The following DCP2 variants were observed in gnomAD, a reference collection of about 807,000 sequenced individuals.
DCP2 encodes the protein m7GpppN-mRNA hydrolase.
Under a neutral mutation model 56.1 loss-of-function variants are expected in DCP2, and 30 were observed. The ratio of observed to expected loss-of-function variants is 0.53; its 90% confidence interval spans 0.40 to 0.73. The LOEUF (loss-of-function observed/expected upper bound fraction) is 0.73, where lower values mean the gene tolerates loss of function less well. Among genes scored for constraint, DCP2 ranks in the 30% least tolerant of loss-of-function variants. The pLI is 0.00. For missense variants in DCP2, 533 were observed against 502.7 expected (o/e 1.06, Z -0.58); for synonymous variants, 197 against 163.3 (o/e 1.21, Z -1.57).
At chr5:112,978,696 A>G (rs1747847414) in intron 1 of DCP2, among the ~76,000 whole-genome samples, 1 of 151,520 alleles carries the variant, frequency 6.6e-6, no homozygotes, top group African/African-American at 2.4e-5. Context: ...AAAAAAAAAA[A>G]GGAAAAAGAA....
chr5:112,985,741 C>G, intron 1 of DCP2, 94 bp from the exon 2 acceptor site: 3 of 1,413,280 alleles, frequency 2.1e-6, no homozygotes, highest in Non-Finnish European at 1.9e-6. Context: ...TCCCTTTTCT[C>G]AGTTGGTGGG....
At chr5:112,979,284 C>G (rs1166105468) in intron 1 of DCP2, among the ~76,000 whole-genome samples, 1 of 152,032 alleles carries the variant, frequency 6.6e-6, no homozygotes, top group Non-Finnish European at 1.5e-5. Context: ...AAACATTTCT[C>G]AAAACTTCAG....
rs1473967227 is a variant in DCP2 at position 113,013,404 on chromosome 5, T to G, written c.1183T>G (p.Cys395Gly). ...ACAGCCCGTGGCATGTAATGGACAT[T>G]GCAAGTTCCCCTTTTCATCCAGAGC... ...EGQPVACNGH[C>G]KFPFSSRAFL... Residue 395 changes from cysteine to glycine, a missense_variant, in exon 11 of 11, where the codon TGC becomes GGC. Physicochemically the swap from Cys to Gly is radical, Grantham distance 159 (BLOSUM62 -3). Around this residue, in one of 3 missense-constraint regions of DCP2, gnomAD observed 392 missense variants for 346.6 expected, o/e 1.13. Transcript: ENST00000389063. 4 of 1,614,054 alleles carry G rather than the reference T, an allele frequency of 2.5e-6. No homozygotes were observed. The African/African-American group carries it at 5.3e-5, about 22-fold the overall frequency.
chr5:112,997,918 G>A (rs941473313), intron 4 of DCP2, among the ~76,000 whole-genome samples: 1 of 151,724 alleles, frequency 6.6e-6, no homozygotes, highest in African/African-American at 2.4e-5. Context: ...TGGCCCTTTG[G>A]GTAACACTTT....
chr5:113,012,312 A>T (rs1298557565), intron 10 of DCP2, among the ~76,000 whole-genome samples: 1 of 152,204 alleles, frequency 6.6e-6, no homozygotes, highest in East Asian at 1.9e-4. Context: ...GTGAGCTGTG[A>T]TTATCACTGT....
intron 4 of DCP2, among the ~76,000 whole-genome samples, chr5:112,995,054 G>C (rs765513174): frequency 6.6e-6 from 1 of 152,172 alleles, no homozygotes; most frequent in Non-Finnish European, 1.5e-5. Flanking sequence ...TTTACAAACT[G>C]CTGGTGGTGG....
Position 112,976,879 on chromosome 5 carries a change from T to A in DCP2, c.-55T>A, listed in dbSNP as rs1465039922. The A allele has an allele frequency of 5.7e-6, 9 of 1,589,022 alleles. No individual in the cohort carries two copies. Among genetic ancestry groups the A allele is most frequent in the Non-Finnish European group, 7.8e-6 (9 of 1,157,262 alleles). The stretch of plus-strand genomic sequence containing the variant: ...GAGCCGGAGTCCTAGTGCCGTACCG[T>A]CAGTCCCCGGCCGCGCGGAGCCGGG... On this transcript the variant is annotated 5_prime_UTR_variant, in exon 1 of 11. Coordinates refer to ENST00000389063, the MANE Select transcript of DCP2 (RefSeq NM_152624.6).
At chr5:113,010,522 T>C (rs554292282) in intron 9 of DCP2, among the ~76,000 whole-genome samples, 1 of 152,300 alleles carries the variant, frequency 6.6e-6, no homozygotes, top group Admixed American at 6.5e-5. Flanking sequence ...TGTCTATTTT[T>C]TTGATGTCTT....
rs1332407058 is a variant in DCP2, at chr5:112,984,695, A to ATATATAT, written c.54-1140_54-1139insTATATAT. 34 of 75,734 alleles carry ATATATAT rather than the reference A, an allele frequency of 4.5e-4. 1 individual carries two copies. The highest frequency in any genetic ancestry group is 1.2e-3 in the African/African-American group (15 of 12,624). The allele number at this position is 75,734 out of a possible 1,614,324, so 4.7% of individuals were successfully genotyped here. ...GTTTTTATTTCTTAATTAAAAAAAAAAAAAAAAAATATATATATATATATA... is the reference window on the plus strand; with the variant it reads ...GTTTTTATTTCTTAATTAAAAAAAAATATATATAAAAAAAAATATATATATATATATA... On this transcript the variant is annotated intron_variant, in intron 1 of 10. Transcript: ENST00000389063.
chr5:113,001,317 T>C (rs1316261700), intron 5 of DCP2, 40 bp from the exon 6 acceptor site: 1 of 1,598,388 alleles, frequency 6.3e-7, no homozygotes, highest in Admixed American at 1.7e-5. Flanking sequence ...AGCTCCTTGA[T>C]AAAAATTAAC....
At chr5:112,980,654 T>G (rs1747962887) in intron 1 of DCP2, among the ~76,000 whole-genome samples, 1 of 152,242 alleles carries the variant, frequency 6.6e-6, no homozygotes, top group South Asian at 2.1e-4. Flanking sequence ...CATCAGCTCT[T>G]ATAAACTTAA....
chr5:112,980,640 C>A (rs1580789535), intron 1 of DCP2, among the ~76,000 whole-genome samples: 1 of 152,144 alleles, frequency 6.6e-6, no homozygotes, highest in Non-Finnish European at 1.5e-5. Flanking sequence ...GTTTAATTTT[C>A]GTACATCAGC....
At chr5:113,003,465 A>G (rs955163332) in intron 7 of DCP2, among the ~76,000 whole-genome samples, 1 of 152,102 alleles carries the variant, frequency 6.6e-6, no homozygotes, top group South Asian at 2.1e-4. Flanking sequence ...AGTCTCAGCA[A>G]CTTGGGAGGC....
intron 4 of DCP2, among the ~76,000 whole-genome samples, chr5:112,995,549 C>CT (rs1474858968): frequency 6.6e-6 from 1 of 152,128 alleles, no homozygotes; most frequent in Non-Finnish European, 1.5e-5. Flanking sequence ...AGGTTTTTGT[C>CT]TTGGTTTGAG....
Position 113,014,893 on chromosome 5 carries a change from C to G in DCP2, c.*1409C>G, listed in dbSNP as rs924299615. ...AGGTAGCCTATTTAATTGGGTTCCA[C>G]TGAACCTCATGGGACTTTTAAAAGA... On this transcript the variant is annotated 3_prime_UTR_variant, in exon 11 of 11. Transcript: ENST00000389063. The G allele has an allele frequency of 1.3e-5, 2 of 152,608 alleles. No homozygotes were observed. The highest frequency in any genetic ancestry group is 4.1e-4 in the South Asian group (2 of 4,828). The allele number at this position is 152,608 out of a possible 1,614,324, so 9.5% of individuals were successfully genotyped here. A position where few individuals can be genotyped will look rare whatever the true frequency, so the allele number is the denominator to read the frequency against.
chr5:112,976,882 G>A lies in DCP2; in HGVS notation c.-52G>A. On this transcript the variant is annotated 5_prime_UTR_variant, in exon 1 of 11. Coordinates refer to ENST00000389063, the MANE Select transcript of DCP2 (RefSeq NM_152624.6). The stretch of plus-strand genomic sequence containing the variant: ...CCGGAGTCCTAGTGCCGTACCGTCA[G>A]TCCCCGGCCGCGCGGAGCCGGGATG... 6.3e-7 allele frequency: 1 copy of A among 1,595,340 alleles called. No individual in the cohort carries two copies. Among genetic ancestry groups the A allele is most frequent in the Non-Finnish European group, 8.6e-7 (1 of 1,162,842 alleles).
chr5:113,000,655 T>C (rs1175448432), intron 4 of DCP2, among the ~76,000 whole-genome samples: 1 of 152,186 alleles, frequency 6.6e-6, no homozygotes, highest in Non-Finnish European at 1.5e-5. Context: ...TCTGGACTTT[T>C]ACTCTGATTG....
chr5:113,020,620 G>A lies in DCP2; in HGVS notation c.*7136G>A, dbSNP rs1750073766. ...AAGGATAAAGACTACCTGTATTGTTGGGTATGACTATCAAAGGATTTCCGG... is the reference window on the plus strand; with the variant it reads ...AAGGATAAAGACTACCTGTATTGTTAGGTATGACTATCAAAGGATTTCCGG... On this transcript the variant is annotated 3_prime_UTR_variant, in exon 11 of 11. Transcript: ENST00000389063. The A allele has an allele frequency of 6.6e-6, 1 of 152,076 alleles. No individual in the cohort carries two copies. The highest frequency in any genetic ancestry group is 2.1e-4 in the South Asian group (1 of 4,818). The allele number at this position is 152,076 out of a possible 1,614,324, so 9.4% of individuals were successfully genotyped here.
rs112449298 is a variant in DCP2, at chr5:113,000,420, A to ACACACACACACACACC, written c.433-659_433-658insACACACACACCCACAC. ...CTAATACACACACACACACACACAC[A>ACACACACACACACACC]CACACCCACACACCCTACCTGAGTT... On this transcript the variant is annotated intron_variant, in intron 4 of 10. Transcript: ENST00000389063. 2.8e-3 allele frequency among the ~76,000 whole-genome samples: 415 copies of ACACACACACACACACC among 146,750 alleles called. 8 individuals carry two copies. The highest frequency in any genetic ancestry group is 9.2e-3 in the African/African-American group (367 of 39,830).
Sources: allele counts gnomAD v4.1 joint callset (sites outside exome capture counted in the v4.1 genomes callset), GRCh38; gene constraint gnomAD v4.1.1; regional missense constraint gnomAD v4.1.1; transcripts MANE v1.5; gene names NCBI Gene and HGNC (gene_info 2026-07-23, HGNC 2026-07-21).